The following USP24 variants were observed in gnomAD, a reference collection of about 807,000 sequenced individuals.
USP24 encodes ubiquitin carboxyl-terminal hydrolase 24.
Under a neutral mutation model 361.6 loss-of-function variants are expected in USP24, and 97 were observed. That is an observed-to-expected ratio of 0.27 (90% CI 0.23 to 0.32). The LOEUF (loss-of-function observed/expected upper bound fraction) is 0.32. Ranked by LOEUF, USP24 falls within the 10% of genes least tolerant of loss-of-function variation. The pLI is 1.00. For synonymous variants in USP24, 1,098 were observed against 1,124.6 expected, an observed-to-expected ratio of 0.98 and a Z score of 0.47; for missense variants, 2,353 against 3,165.6, an observed-to-expected ratio of 0.74 and a Z score of 6.16.
chr1:55,207,949 T>C (rs981261537), intron 1 of USP24, among the ~76,000 whole-genome samples: 3 of 152,210 alleles, frequency 2.0e-5, no homozygotes, highest in African/African-American at 7.2e-5. Flanking sequence ...CCTAAAATAT[T>C]ATTTATTTTT....
At chr1:55,089,209 C>T (rs940120020) in intron 55 of USP24, among the ~76,000 whole-genome samples, 45 of 152,068 alleles carry the variant, frequency 3.0e-4, no homozygotes, top group African/African-American at 1.1e-3. Context: ...CCTGGCCTAC[C>T]GGTAGATTTT....
intron 55 of USP24, among the ~76,000 whole-genome samples, chr1:55,089,362 T>C (rs1322524411): frequency 2.0e-5 from 3 of 152,172 alleles, no homozygotes; most frequent in Admixed American, 6.5e-5. Context: ...CTTTGAACCA[T>C]AGCAGGGGTT....
intron 1 of USP24, among the ~76,000 whole-genome samples, chr1:55,178,919 T>C (rs892991346): frequency 6.6e-6 from 1 of 152,054 alleles, no homozygotes; most frequent in African/African-American, 2.4e-5. Context: ...TTTCTCATGA[T>C]AAAATATCAA....
chr1:55,145,260 G>C (rs923621612), intron 20 of USP24, among the ~76,000 whole-genome samples: 15 of 152,162 alleles, frequency 9.9e-5, no homozygotes, highest in Admixed American at 8.5e-4. Context: ...CAATCAAAAT[G>C]TCCATTAGTT....
At chr1:55,130,882 G>A (rs1646572592) in intron 31 of USP24, among the ~76,000 whole-genome samples, 1 of 152,158 alleles carries the variant, frequency 6.6e-6, no homozygotes, top group Non-Finnish European at 1.5e-5. Flanking sequence ...GCTTTTGGGA[G>A]TGTTAGGTTT....
At chr1:55,190,182 A>G (rs796792528) in intron 1 of USP24, among the ~76,000 whole-genome samples, 9 of 151,064 alleles carry the variant, frequency 6.0e-5, no homozygotes, top group African/African-American at 1.2e-4. Flanking sequence ...AAAAAAAAAA[A>G]AAAGAAAGAA....
chr1:55,151,448 T>C (rs1647188648), intron 16 of USP24, among the ~76,000 whole-genome samples: 2 of 152,198 alleles, frequency 1.3e-5, no homozygotes, highest in African/African-American at 4.8e-5. Flanking sequence ...TGTAAGGCTT[T>C]TGGTGTCCTC....
At chr1:55,191,390 A>G (rs2100877396) in intron 1 of USP24, among the ~76,000 whole-genome samples, 1 of 152,294 alleles carries the variant, frequency 6.6e-6, no homozygotes, top group African/African-American at 2.4e-5. Flanking sequence ...AGTGCCATAA[A>G]TATGCTAGGA....
chr1:55,108,753 T>C (rs890626240), intron 39 of USP24, among the ~76,000 whole-genome samples: 3 of 152,230 alleles, frequency 2.0e-5, no homozygotes, highest in African/African-American at 7.2e-5. Flanking sequence ...AGCCAACTCA[T>C]GATTCCTGTC....
intron 58 of USP24, among the ~76,000 whole-genome samples, chr1:55,082,331 C>G (rs1342243142): frequency 6.6e-6 from 1 of 152,122 alleles, no homozygotes; most frequent in Non-Finnish European, 1.5e-5. Context: ...CTGTGAGTAT[C>G]AAAAGTATAC....
At chr1:55,104,766 G>A (rs76255577) in intron 41 of USP24, among the ~76,000 whole-genome samples, 1,629 of 152,278 alleles carry the variant, frequency 0.011, 29 homozygotes, top group African/African-American at 0.037. Context: ...AGACCAGCAC[G>A]ACACCAGGCA....
chr1:55,145,050 T>C (rs1646991895), intron 20 of USP24, among the ~76,000 whole-genome samples: 1 of 152,208 alleles, frequency 6.6e-6, no homozygotes, highest in South Asian at 2.1e-4. Context: ...GTGAAGAAAT[T>C]GGAACCCTCA....
At chr1:55,205,047 G>T (rs1644670165) in intron 1 of USP24, among the ~76,000 whole-genome samples, 1 of 152,302 alleles carries the variant, frequency 6.6e-6, no homozygotes, top group Non-Finnish European at 1.5e-5. Flanking sequence ...TAACAGATGA[G>T]ACTGTGAGTG....
rs923390783 is a variant in USP24, at chr1:55,067,808, T to C, written c.*1237A>G. On this transcript the variant is annotated 3_prime_UTR_variant, in exon 68 of 68. Transcript: ENST00000294383. ...AAATACAAAATGTACAAAATATATA[T>C]GAAATATGTGGGTGTAAACCTCTCC... The C allele has an allele frequency of 6.6e-6, 1 of 152,128 alleles. No homozygotes were observed. The highest frequency in any genetic ancestry group is 2.4e-5 in the African/African-American group (1 of 41,426). 9.4% of individuals were successfully genotyped at this position (152,128 alleles called of 1,614,324 possible).
rs1244540821 is a variant in USP24 at position 55,177,975 on chromosome 1, G to A, written c.482C>T (p.Ala161Val). The A allele has an allele frequency of 1.9e-6, 3 of 1,551,144 alleles. 1 individual carries two copies. The South Asian group carries it at 3.6e-5, about 18-fold the overall frequency. Residue 161 changes from alanine (A) to valine (V), a missense_variant, in exon 2 of 68, where the codon GCA (alanine) becomes GTA (valine). Ala to Val is a moderately conservative substitution (Grantham distance 64, BLOSUM62 0). Coordinates refer to ENST00000294383, the MANE Select transcript of USP24 (RefSeq NM_015306.3). The part of the protein sequence containing the change: ...GKCLLASTYL[A>V]RLGLSESDEN... ...AAGGTCTGAAAACTTACCAAGTCTT[G>A]CTAGGTAGGTAGATGCCAACAGGCA...
At chr1:55,196,792 G>GT (rs1409822509) in intron 1 of USP24, among the ~76,000 whole-genome samples, 1 of 152,148 alleles carries the variant, frequency 6.6e-6, no homozygotes, top group African/African-American at 2.4e-5. Context: ...AAAAGTTATC[G>GT]TGACAGTTGC....
chr1:55,182,340 A>G lies in USP24; in HGVS notation c.325-4208T>C, dbSNP rs1300683358. On this transcript the variant is annotated intron_variant, in intron 1 of 67. Transcript: ENST00000294383. ...AGTGCTGGGATTGCAGGCGTGAGCC[A>G]TTGCGCCCGGCCTCTAATGACTTCT... Among the ~76,000 whole-genome samples, 3 of 152,274 alleles carry G rather than the reference A, an allele frequency of 2.0e-5. No homozygotes were observed. The East Asian group carries it at 5.8e-4, about 29-fold the overall frequency.
chr1:55,143,053 C>T lies in USP24; in HGVS notation c.2506G>A (p.Glu836Lys). ...IWKIAMESPD[E>K]EIANEAIQLI... ...TGAATAGCTTCATTAGCAATTTCTT[C>T]ATCAGGTGATTCCATGGCTATTTTC... The change falls in exon 22 of 68, where the codon GAA (glutamate) becomes AAA (lysine). Residue 836 changes from glutamate to lysine, a missense_variant. Physicochemically the swap from Glu to Lys is moderately conservative, Grantham distance 56. Coordinates refer to ENST00000294383, the MANE Select transcript of USP24 (RefSeq NM_015306.3). 1 of 1,534,226 alleles carries T rather than the reference C, an allele frequency of 6.5e-7. No individual in the cohort carries two copies. The highest frequency in any genetic ancestry group is 8.8e-7 in the Non-Finnish European group (1 of 1,142,102).
At chr1:55,199,843 T>C (rs185238218) in intron 1 of USP24, among the ~76,000 whole-genome samples, 4 of 152,108 alleles carry the variant, frequency 2.6e-5, no homozygotes, top group East Asian at 1.9e-4. Flanking sequence ...ACTGGACAAT[T>C]TGCAAAAGAA....
Sources: gnomAD v4.1 joint callset for allele counts (sites outside exome capture counted in the v4.1 genomes callset) on GRCh38, gnomAD v4.1.1 for gene constraint, MANE v1.5 for transcripts, NCBI Gene and HGNC (gene_info 2026-07-23, HGNC 2026-07-21) for gene names.